RAD17: variants seen among roughly 807,000 people sequenced by gnomAD.
RAD17 encodes cell cycle checkpoint protein RAD17.
A neutral mutation model predicts 81.5 loss-of-function variants in RAD17; 31 were observed. That is an observed-to-expected ratio of 0.38 (90% CI 0.29 to 0.51). The LOEUF is 0.51. Among genes scored for constraint, RAD17 ranks in the 20% least tolerant of loss-of-function variants. The pLI is 0.88. For missense variants in RAD17, 681 were observed against 781.2 expected (o/e 0.87, Z 1.53); for synonymous variants, 261 against 266.2 (o/e 0.98, Z 0.19).
chr5:69,410,537 C>T lies in RAD17; in HGVS notation c.1738C>T (p.Arg580Ter). 6 of 1,613,020 alleles carry T rather than the reference C, an allele frequency of 3.7e-6. No homozygotes were observed. The highest frequency in any genetic ancestry group is 1.3e-5 in the African/African-American group (1 of 74,966). Residue 580 changes from arginine to a stop codon, truncating the protein, a stop_gained, in exon 18 of 19, where the codon CGA becomes TGA. Coordinates refer to ENST00000354868, the MANE Select transcript of RAD17 (RefSeq NM_133338.3). LOFTEE classifies it low-confidence loss of function (END_TRUNC). ...IQDIGRLPLK[R>*]HFGRLKMEAL... is the part of the protein sequence containing the mutation. ...AGATATTGGAAGGCTCCCTCTGAAG[C>T]GACACTTTGGAAGGTAAGCTGATCA... is the stretch of plus-strand genomic sequence containing the variant.
In RAD17 at chr5:69,372,095, T is replaced by A; in HGVS notation, c.-114T>A. On this transcript the variant is annotated 5_prime_UTR_variant, in exon 4 of 19. Transcript: ENST00000354868. The stretch of plus-strand genomic sequence containing the variant: ...ATAAAATGTATAAATAATTTGCAAA[T>A]CAGAATTGCTGTCGAAAGTTTTACT... 7.0e-7 allele frequency: 1 copy of A among 1,438,124 alleles called. No individual in the cohort carries two copies. Among genetic ancestry groups the A allele is most frequent in the Non-Finnish European group, 9.4e-7 (1 of 1,067,090 alleles). 89.1% of individuals were successfully genotyped at this position (1,438,124 alleles called of 1,614,324 possible).
intron 17 of RAD17, among the ~76,000 whole-genome samples, chr5:69,409,827 A>G (rs1003382887): frequency 6.6e-6 from 1 of 152,184 alleles, no homozygotes; most frequent in Non-Finnish European, 1.5e-5. Context: ...ATTAGCATTA[A>G]TTCCCCATTT....
chr5:69,386,301 AT>A lies in RAD17; in HGVS notation c.822del (p.Ser275ValfsTer10). On this transcript the variant is annotated frameshift_variant, in exon 10 of 19. Transcript: ENST00000354868. LOFTEE classifies it high-confidence loss of function. ...EIQEECSISN[I>X]SFNPVAPTIM... Reference sequence around the variant, plus strand: ...TCAGGAAGAGTGTTCTATCTCAAATATTAGGTAAGAAAGAAATTTCTGCTTA... The same window carrying A: ...TCAGGAAGAGTGTTCTATCTCAAATATAGGTAAGAAAGAAATTTCTGCTTA... The A allele has an allele frequency of 6.3e-7, 1 of 1,593,518 alleles. No individual in the cohort carries two copies. Among genetic ancestry groups the A allele is most frequent in the South Asian group, 1.2e-5 (1 of 86,300 alleles).
rs114254389 is a variant in RAD17 at position 69,404,922 on chromosome 5, A to G, written c.1693+4753A>G. On this transcript the variant is annotated intron_variant, in intron 17 of 18. Transcript: ENST00000354868. ...GCTGCTACATTCTAGCCTGGGGGAC[A>G]GAGTGAGATGCTGTCTCAAAAGGCA... Among the ~76,000 whole-genome samples the G allele has an allele frequency of 4.4e-3, 668 of 152,294 alleles. 8 individuals are homozygous for G. Among genetic ancestry groups the G allele is most frequent in the African/African-American group, 0.016 (651 of 41,580 alleles).
chr5:69,389,204 C>A, intron 12 of RAD17, 59 bp downstream of exon 12: 5 of 1,044,368 alleles, frequency 4.8e-6, no homozygotes, highest in Non-Finnish European at 7.0e-6. Flanking sequence ...TCTCTTAATT[C>A]ATTCAATGAA....
At chr5:69,400,405 A>G (rs1765189969) in intron 17 of RAD17, among the ~76,000 whole-genome samples, 1 of 151,594 alleles carries the variant, frequency 6.6e-6, no homozygotes, top group Non-Finnish European at 1.5e-5. Context: ...TTTAGTAGAG[A>G]TGGGGTTTCA....
chr5:69,405,461 G>A (rs1470729737), intron 17 of RAD17, among the ~76,000 whole-genome samples: 1 of 151,902 alleles, frequency 6.6e-6, no homozygotes, highest in Non-Finnish European at 1.5e-5. Flanking sequence ...GAGGTCGGGA[G>A]TTCGAGACTA....
chr5:69,410,612 T>G, intron 18 of RAD17, 62 bp downstream of exon 18: 1 of 1,378,490 alleles, frequency 7.3e-7, no homozygotes, highest in Non-Finnish European at 1.0e-6. Context: ...ATATGTTCAG[T>G]ATGAATCAAT....
rs531345124 is a variant in RAD17 at position 69,371,446 on chromosome 5, C to G, written c.-279-8C>G. The G allele has an allele frequency of 6.5e-5, 34 of 521,590 alleles. 2 individuals are homozygous for G. In the Middle Eastern group the frequency reaches 2.2e-3, roughly 33 times the overall value. The allele number at this position is 521,590 out of a possible 1,614,324, so 32.3% of individuals were successfully genotyped here. A position where few individuals can be genotyped will look rare whatever the true frequency, so the allele number is the denominator to read the frequency against. Reference sequence around the variant, plus strand: ...CATTTGAGGGCTTCTTCCCCCCCCCCCCCCCAGGTGAATTATAGTTTAATG... The same window carrying G: ...CATTTGAGGGCTTCTTCCCCCCCCCGCCCCCAGGTGAATTATAGTTTAATG... On this transcript the variant is annotated splice_polypyrimidine_tract_variant and splice_region_variant and intron_variant, in intron 2 of 18. Coordinates refer to ENST00000354868, the MANE Select transcript of RAD17 (RefSeq NM_133338.3).
At chr5:69,385,607 A>G (rs541609739) in intron 8 of RAD17, among the ~76,000 whole-genome samples, 1 of 152,258 alleles carries the variant, frequency 6.6e-6, no homozygotes, top group South Asian at 2.1e-4. Flanking sequence ...TGACTAAACA[A>G]TTGTGAGATA....
chr5:69,414,263 A>G lies in RAD17; in HGVS notation c.1984A>G (p.Ile662Val). 1 of 1,614,126 alleles carries G rather than the reference A, an allele frequency of 6.2e-7. No individual in the cohort carries two copies. Among genetic ancestry groups the G allele is most frequent in the Non-Finnish European group, 8.5e-7 (1 of 1,179,956 alleles). The change falls in exon 19 of 19, where the codon ATA (isoleucine) becomes GTA (valine). Residue 662 changes from isoleucine (I) to valine (V), a missense_variant. Transcript: ENST00000354868. The part of the protein sequence containing the change: ...AQGDMEENII[I>V]EDYESDGT ...AGGAGACATGGAAGAAAACATAATAATAGAAGACTACGAGAGTGATGGGAC... is the reference window on the plus strand; with the variant it reads ...AGGAGACATGGAAGAAAACATAATAGTAGAAGACTACGAGAGTGATGGGAC...
upstream of RAD17, chr5:69,369,387 C>G (rs977542748): frequency 3.9e-6 from 6 of 1,543,960 alleles, no homozygotes; most frequent in Non-Finnish European, 4.4e-6. Flanking sequence ...GGGCCCCCAC[C>G]TGGGCGCCCG....
chr5:69,377,499 A>C (rs1281845615), intron 6 of RAD17, among the ~76,000 whole-genome samples: 1 of 100,492 alleles, frequency 1.0e-5, no homozygotes, highest in Non-Finnish European at 1.9e-5. Context: ...ATATATACGT[A>C]TATATATGTA....
At chr5:69,408,320 C>G (rs1765757672) in intron 17 of RAD17, among the ~76,000 whole-genome samples, 1 of 151,998 alleles carries the variant, frequency 6.6e-6, no homozygotes, top group African/African-American at 2.4e-5. Context: ...TGGCTAAACT[C>G]ATGTAATGAA....
rs1483381586 is a variant in RAD17 at position 69,377,435 on chromosome 5, GTGTGTATATATATATA to G, written c.351+2726_351+2741del. Among the ~76,000 whole-genome samples the G allele has an allele frequency of 1.1e-3, 26 of 23,074 alleles. 2 individuals are homozygous for G. The highest frequency in any genetic ancestry group is 7.9e-3 in the South Asian group (2 of 254). The allele number at this position is 23,074 out of a possible 152,430, so 15.1% of individuals were successfully genotyped here. On this transcript the variant is annotated intron_variant, in intron 6 of 18. Coordinates refer to ENST00000354868, the MANE Select transcript of RAD17 (RefSeq NM_133338.3). ...CTTAGGTATATGTGTGTGTGTGTGTGTGTGTATATATATATATATATATATATATATATATATATAC... is the reference window on the plus strand; with the variant it reads ...CTTAGGTATATGTGTGTGTGTGTGTGTATATATATATATATATATATATAC...
intron 8 of RAD17, among the ~76,000 whole-genome samples, chr5:69,385,657 A>G (rs939511503): frequency 6.6e-6 from 1 of 152,218 alleles, no homozygotes; most frequent in Non-Finnish European, 1.5e-5. Context: ...TATAGTAGTG[A>G]TATTGGTAAA....
chr5:69,390,958 A>AG (rs1764517423), intron 12 of RAD17, among the ~76,000 whole-genome samples: 2 of 151,172 alleles, frequency 1.3e-5, no homozygotes, highest in African/African-American at 4.9e-5. Flanking sequence ...GTGTCAAAAA[A>AG]AAAAAAAGGC....
rs372524181 is a variant in RAD17, at chr5:69,372,191, T to A, written c.-18T>A. The A allele has an allele frequency of 2.6e-5, 42 of 1,608,320 alleles. No homozygotes were observed. The African/African-American group carries it at 5.2e-4, about 20-fold the overall frequency. On this transcript the variant is annotated 5_prime_UTR_variant, in exon 4 of 19. Transcript: ENST00000354868. ...GCCAAGATTATAGTACCAGTCACAA[T>A]CTTTTGATGAGGACGAAATGAATCA...
intron 12 of RAD17, among the ~76,000 whole-genome samples, chr5:69,389,364 A>G (rs1764405393): frequency 6.6e-6 from 1 of 152,176 alleles, no homozygotes; most frequent in Admixed American, 6.5e-5. Flanking sequence ...GAGATAGTTT[A>G]CCTTTCAAAG....
Sources: allele counts gnomAD v4.1 joint callset (sites outside exome capture counted in the v4.1 genomes callset), GRCh38; gene constraint gnomAD v4.1.1; transcripts MANE v1.5; gene names NCBI Gene and HGNC (gene_info 2026-07-23, HGNC 2026-07-21).